Variants in GP2 observed in about 807,000 individuals in gnomAD.
The protein encoded by GP2 is pancreatic secretory granule membrane major glycoprotein GP2.
A neutral mutation model predicts 60.8 loss-of-function variants in GP2; 58 were observed. The ratio of observed to expected loss-of-function variants is 0.95; its 90% CI spans 0.77 to 1.19. The LOEUF (loss-of-function observed/expected upper bound fraction) is 1.19. GP2 is among the 50% of genes most tolerant of loss of function. The pLI, the probability that GP2 is intolerant of heterozygous loss-of-function variation, is 0.00. For synonymous variants in GP2, 280 were observed against 253.4 expected, an observed-to-expected ratio of 1.10 and a Z score of -1.00; for missense variants, 647 against 667.4, an observed-to-expected ratio of 0.97 and a Z score of 0.34.
In GP2 at chr16:20,323,857, C is replaced by A. The variant is rs754414390; in HGVS notation, c.494G>T (p.Arg165Leu). ...KACPGGYHVY[R>L]LEGTPWCNLR... ...ATTACACCAGGGAGTGCCTTCCAAC[C>A]GGTACACATGGTACCCGCCTGGGCA... is the stretch of plus-strand genomic sequence containing the variant. The change falls in exon 3 of 11, where the codon CGG (arginine) becomes CTG (leucine). Residue 165 changes from arginine to leucine, a missense_variant. By Grantham distance (102) the Arg-to-Leu change is moderately radical. Coordinates refer to ENST00000302555, the MANE Select transcript of GP2 (RefSeq NM_001502.4). The A allele has an allele frequency of 4.3e-6, 7 of 1,613,662 alleles. No homozygotes were observed. The highest frequency in any genetic ancestry group is 4.2e-6 in the Non-Finnish European group (5 of 1,179,818).
intron 3 of GP2, chr16:20,323,484 T>TG (rs1596527298): frequency 3.3e-6 from 2 of 614,028 alleles, no homozygotes; most frequent in Admixed American, 2.4e-5. Context: ...ATTTTTGCTG[T>TG]ACCCCCCCCC....
At chr16:20,319,978 T>C (rs1225666799) in intron 5 of GP2, among the ~76,000 whole-genome samples, 1 of 152,126 alleles carries the variant, frequency 6.6e-6, no homozygotes, top group African/African-American at 2.4e-5. Flanking sequence ...ACTAGAACGA[T>C]AAATTATTGA....
chr16:20,317,393 G>T lies in GP2; in HGVS notation c.1254-18C>A, dbSNP rs760530624. On this transcript the variant is annotated intron_variant, in intron 7 of 10. Coordinates refer to ENST00000302555, the MANE Select transcript of GP2 (RefSeq NM_001502.4). ...TTGAGCAGCTGGGAGGGTGACAGGG[G>T]CAAAGGTGTAACTTCTAAAAACAGC... 2 of 1,606,952 alleles carry T rather than the reference G, an allele frequency of 1.2e-6. No homozygotes were observed. The highest frequency in any genetic ancestry group is 2.2e-5 in the South Asian group (2 of 90,536).
intron 10 of GP2, among the ~76,000 whole-genome samples, chr16:20,313,805 C>T (rs938344476): frequency 1.3e-5 from 2 of 152,200 alleles, no homozygotes; most frequent in South Asian, 2.1e-4. Context: ...CACTCATTGG[C>T]TTCTTCCTTG....
In GP2 at chr16:20,326,153, C is replaced by T. The variant is rs577966955; in HGVS notation, c.94+185G>A. ...CCTTTCAGAGGAATTTCTGATTAGG[C>T]TCTTTGAGAGATTGTGACTTGATTT... On this transcript the variant is annotated intron_variant, in intron 2 of 10. Coordinates refer to ENST00000302555, the MANE Select transcript of GP2 (RefSeq NM_001502.4). 22 of 595,392 alleles carry T rather than the reference C, an allele frequency of 3.7e-5. No individual in the cohort carries two copies. In the Admixed American group the frequency reaches 5.0e-4, roughly 13 times the overall value. The allele number at this position is 595,392 out of a possible 1,614,324, so 36.9% of individuals were successfully genotyped here. A position where few individuals can be genotyped will look rare whatever the true frequency, so the allele number is the denominator to read the frequency against.
At chr16:20,323,520 G>T (rs1964437309) in intron 3 of GP2, 2 of 617,454 alleles carry the variant, frequency 3.2e-6, no homozygotes, top group Non-Finnish European at 5.9e-6. Flanking sequence ...AGAACACTGA[G>T]GCTCAGGGAG....
chr16:20,315,812 G>A, intron 9 of GP2, 144 bp downstream of exon 9: 1 of 650,966 alleles, frequency 1.5e-6, no homozygotes, highest in African/African-American at 1.8e-5. Context: ...ATTACCCAAA[G>A]CATCTCAAAG....
At chr16:20,313,172 T>C (rs1374171140) in intron 10 of GP2, among the ~76,000 whole-genome samples, 1 of 152,176 alleles carries the variant, frequency 6.6e-6, no homozygotes, top group African/African-American at 2.4e-5. Flanking sequence ...TAATAGTATG[T>C]GCTTTCCATT....
chr16:20,327,340 A>G, intron 1 of GP2, 127 bp downstream of exon 1: 1 of 511,536 alleles, frequency 2.0e-6, no homozygotes, highest in South Asian at 2.0e-5. Flanking sequence ...GCACTTGACA[A>G]TGGCCAGGGT....
intron 5 of GP2, 93 bp downstream of exon 5, chr16:20,320,169 C>G: frequency 1.1e-6 from 1 of 919,162 alleles, no homozygotes; most frequent in Non-Finnish European, 1.8e-6. Context: ...CTCAGGGAAG[C>G]TAAGTGGCTT....
intron 6 of GP2, among the ~76,000 whole-genome samples, chr16:20,319,304 G>A (rs1384613888): frequency 6.6e-6 from 1 of 152,158 alleles, no homozygotes; most frequent in East Asian, 1.9e-4. Flanking sequence ...TAATACCTTT[G>A]TTCCTCAAGG....
chr16:20,323,677 G>C (rs1398021853), intron 3 of GP2, 139 bp downstream of exon 3: 3 of 631,642 alleles, frequency 4.7e-6, no homozygotes, highest in Non-Finnish European at 8.5e-6. Context: ...CCTGTGTTGA[G>C]TTCTCACTGG....
chr16:20,315,021 C>T (rs1964117292), intron 9 of GP2, among the ~76,000 whole-genome samples: 1 of 152,166 alleles, frequency 6.6e-6, no homozygotes, highest in South Asian at 2.1e-4. Context: ...GGGATTCAAA[C>T]CCCAGTATGT....
chr16:20,314,042 G>C (rs192496068), intron 10 of GP2, among the ~76,000 whole-genome samples: 1 of 152,006 alleles, frequency 6.6e-6, no homozygotes, highest in African/African-American at 2.4e-5. Context: ...ATGGACACAG[G>C]GAGGGGAACA....
intron 5 of GP2, 143 bp downstream of exon 5, chr16:20,320,119 T>C: frequency 1.6e-6 from 1 of 641,306 alleles, no homozygotes; most frequent in Non-Finnish European, 2.8e-6. Context: ...CTAAGCTCTT[T>C]ATGTAAACCA....
In GP2 at chr16:20,314,517, T is replaced by C. The variant is rs922430574; in HGVS notation, c.1546+140A>G. 2.2e-5 allele frequency: 16 copies of C among 719,588 alleles called. No homozygotes were observed. In the Admixed American group the frequency reaches 2.3e-4, roughly 11 times the overall value. 44.6% of individuals were successfully genotyped at this position (719,588 alleles called of 1,614,324 possible). A position where few individuals can be genotyped will look rare whatever the true frequency, so the allele number is the denominator to read the frequency against. The stretch of plus-strand genomic sequence containing the variant: ...TAAAGGACTACCTCCTCCACTATAC[T>C]GTGGGCATCTCAAAGGCCAATCTTA... On this transcript the variant is annotated intron_variant, in intron 10 of 10. Transcript: ENST00000302555.
chr16:20,323,951 T>C lies in GP2; in HGVS notation c.400A>G (p.Asn134Asp), dbSNP rs1596527898. The C allele has an allele frequency of 6.2e-7, 1 of 1,614,180 alleles. No individual in the cohort carries two copies. The highest frequency in any genetic ancestry group is 8.5e-7 in the Non-Finnish European group (1 of 1,180,000). The change falls in exon 3 of 11, where the codon AAC (asparagine) becomes GAC (aspartate). Residue 134 changes from asparagine to aspartate, a missense_variant. Physicochemically the swap from Asn to Asp is conservative, Grantham distance 23. Transcript: ENST00000302555. ...THPALGDGIT[N>D]HTACAHWSGN... ...CTCCAATGGGCACAGGCAGTGTGGT[T>C]GGTGATGCCATCCCCAAGGGCAGGG...
chr16:20,311,299 T>C lies in GP2; in HGVS notation c.1547-18A>G. 1.3e-6 allele frequency: 2 copies of C among 1,539,800 alleles called. No homozygotes were observed. The highest frequency in any genetic ancestry group is 1.8e-6 in the Non-Finnish European group (2 of 1,112,640). On this transcript the variant is annotated intron_variant, in intron 10 of 10. Coordinates refer to ENST00000302555, the MANE Select transcript of GP2 (RefSeq NM_001502.4). ...CAGGAACCCTGAAATACAAGAAATA[T>C]GACTGTCAAGTGTTGGGCTTTGGGA...
chr16:20,315,816 C>T, intron 9 of GP2, 140 bp downstream of exon 9: 1 of 659,170 alleles, frequency 1.5e-6, no homozygotes, highest in Non-Finnish European at 2.8e-6. Context: ...CCCAAAGCAT[C>T]TCAAAGAATA....
Sources: allele counts gnomAD v4.1 joint callset (sites outside exome capture counted in the v4.1 genomes callset), GRCh38; gene constraint gnomAD v4.1.1; transcripts MANE v1.5; gene names NCBI Gene and HGNC (gene_info 2026-07-23, HGNC 2026-07-21).